Variants in STARD13 observed in about 807,000 individuals in gnomAD.
STARD13 encodes StAR related lipid transfer domain containing 13.
STARD13 carries 62 observed loss-of-function variants against 106.4 expected under a neutral mutation model. That is an observed-to-expected ratio of 0.58 (90% CI 0.48 to 0.72). STARD13 has a LOEUF of 0.72. STARD13 is among the 30% of genes least tolerant of loss of function. The pLI, the probability that STARD13 is intolerant of heterozygous loss-of-function variation, is 0.00. For synonymous variants in STARD13, 565 were observed against 553.0 expected (o/e 1.02, Z -0.31); for missense variants, 1,387 against 1,424.0 (o/e 0.97, Z 0.42).
chr13:33,510,997 A>C, the STARD13 span, among the ~76,000 whole-genome samples: 1 of 152,006 alleles, frequency 6.6e-6, no homozygotes, highest in Non-Finnish European at 1.5e-5. Flanking sequence ...CTGACACCTA[A>C]ATTTTTTTTT....
intron 1 of STARD13, among the ~76,000 whole-genome samples, chr13:33,203,989 T>C (rs1887231684): frequency 2.0e-5 from 3 of 152,202 alleles, no homozygotes; most frequent in South Asian, 2.1e-4. Flanking sequence ...GTGAATTAGA[T>C]TCATCAAAAG....
chr13:33,141,983 A>T (rs1879889913), intron 4 of STARD13, among the ~76,000 whole-genome samples: 1 of 152,222 alleles, frequency 6.6e-6, no homozygotes, highest in Non-Finnish European at 1.5e-5. Flanking sequence ...GGACATGGAG[A>T]ATACACATGG....
chr13:33,548,313 A>T, the STARD13 span, among the ~76,000 whole-genome samples: 1 of 152,338 alleles, frequency 6.6e-6, no homozygotes, highest in Non-Finnish European at 1.5e-5. Context: ...CAGTCTTCTA[A>T]CAGAATTTGG....
intron 1 of STARD13, among the ~76,000 whole-genome samples, chr13:33,233,295 C>G (rs1327874756): frequency 6.6e-6 from 1 of 152,224 alleles, no homozygotes; most frequent in Admixed American, 6.5e-5. Context: ...AATTGGTTTT[C>G]TACACTGTCA....
At chr13:33,208,074 C>A (rs1268069893) in intron 1 of STARD13, among the ~76,000 whole-genome samples, 1 of 148,732 alleles carries the variant, frequency 6.7e-6, no homozygotes, top group Non-Finnish European at 1.5e-5. Flanking sequence ...AAGATCTTAT[C>A]TAATAAATCC....
intron 1 of STARD13, among the ~76,000 whole-genome samples, chr13:33,226,417 T>C (rs1280614918): frequency 6.6e-6 from 1 of 150,646 alleles, no homozygotes; most frequent in Admixed American, 6.7e-5. Context: ...ACTTGAACAA[T>C]AGCTTTCAAA....
At chr13:33,379,847 A>G in the STARD13 span, among the ~76,000 whole-genome samples, 6 of 152,374 alleles carry the variant, frequency 3.9e-5, no homozygotes, top group Admixed American at 3.9e-4. Flanking sequence ...CAAAGAGCTG[A>G]GCAAGATTTG....
chr13:33,141,131 T>G (rs1314213873), intron 4 of STARD13, among the ~76,000 whole-genome samples: 1 of 152,200 alleles, frequency 6.6e-6, no homozygotes, highest in African/African-American at 2.4e-5. Context: ...AGTTGCTACG[T>G]AGTAGAGATG....
intron 3 of STARD13, among the ~76,000 whole-genome samples, chr13:33,151,760 C>T (rs1272197848): frequency 6.6e-6 from 1 of 152,130 alleles, no homozygotes; most frequent in Admixed American, 6.5e-5. Context: ...TAACTGGCAG[C>T]AGGATAGAGA....
chr13:33,381,693 T>C, the STARD13 span, among the ~76,000 whole-genome samples: 1 of 152,128 alleles, frequency 6.6e-6, no homozygotes, highest in Non-Finnish European at 1.5e-5. Context: ...TGAGCTGAGA[T>C]TGTGCCACTG....
At chr13:33,173,457 C>A (rs1884196676) in intron 1 of STARD13, among the ~76,000 whole-genome samples, 1 of 152,154 alleles carries the variant, frequency 6.6e-6, no homozygotes, top group Non-Finnish European at 1.5e-5. Flanking sequence ...GGCTTTATAA[C>A]CTTAGTGACA....
chr13:33,361,048 G>A, the STARD13 span, among the ~76,000 whole-genome samples: 5 of 144,206 alleles, frequency 3.5e-5, no homozygotes, highest in East Asian at 4.2e-4. Context: ...CCTGTAATCC[G>A]CCTGCCTCGG....
At chr13:33,493,568 A>G in the STARD13 span, among the ~76,000 whole-genome samples, 2 of 152,166 alleles carry the variant, frequency 1.3e-5, no homozygotes, top group Admixed American at 1.3e-4. Flanking sequence ...TTAACACCTA[A>G]AGAAAGATGT....
chr13:33,587,102 G>T, the STARD13 span, among the ~76,000 whole-genome samples: 1 of 151,898 alleles, frequency 6.6e-6, no homozygotes. Flanking sequence ...TGTAATCCCA[G>T]CTACTCAGGA....
the STARD13 span, among the ~76,000 whole-genome samples, chr13:33,362,979 A>C: frequency 1.3e-5 from 2 of 152,204 alleles, no homozygotes; most frequent in African/African-American, 4.8e-5. Flanking sequence ...ATCCTAGAAG[A>C]GTCTGTCCTG....
At chr13:33,624,550 AATTACCC>A in the STARD13 span, among the ~76,000 whole-genome samples, 1 of 152,208 alleles carries the variant, frequency 6.6e-6, no homozygotes, top group Non-Finnish European at 1.5e-5. Flanking sequence ...TCACATCTTT[AATTACCC>A]AATGTCCTGC....
chr13:33,452,237 A>G, the STARD13 span, among the ~76,000 whole-genome samples: 1 of 151,942 alleles, frequency 6.6e-6, no homozygotes, highest in Non-Finnish European at 1.5e-5. Flanking sequence ...CAGTCTGGCC[A>G]TGGTGGGCAG....
At chr13:33,604,391 A>G in the STARD13 span, among the ~76,000 whole-genome samples, 2 of 152,242 alleles carry the variant, frequency 1.3e-5, no homozygotes, top group Admixed American at 1.3e-4. Context: ...AGAACACCAA[A>G]GACAAGGAGA....
chr13:33,109,018 T>A (rs1364511580), intron 12 of STARD13, among the ~76,000 whole-genome samples: 2 of 152,198 alleles, frequency 1.3e-5, no homozygotes, highest in African/African-American at 4.8e-5. Flanking sequence ...AAAGAGCTCA[T>A]GTGAAAAGTA....
Sources: gnomAD v4.1 joint callset for allele counts (sites outside exome capture counted in the v4.1 genomes callset) on GRCh38, gnomAD v4.1.1 for gene constraint, MANE v1.5 for transcripts, NCBI Gene and HGNC (gene_info 2026-07-23, HGNC 2026-07-21) for gene names.